Variants in OR51B5 observed in about 807,000 individuals in gnomAD.
The protein encoded by OR51B5 is olfactory receptor family 51 subfamily B member 5.
For synonymous variants in OR51B5, 186 were observed against 144.8 expected (o/e 1.28, Z -2.04); for missense variants, 456 against 374.6 (o/e 1.22, Z -1.79).
intron 1 of OR51B5, among the ~76,000 whole-genome samples, chr11:5,470,643 C>T (rs1851215114): frequency 6.6e-6 from 1 of 152,160 alleles, no homozygotes; most frequent in Admixed American, 6.6e-5. Flanking sequence ...ATGTTTTATC[C>T]TCTTCAAAGT....
chr11:5,351,826 G>C, intron 1 of OR51B5: 2 of 1,614,006 alleles, frequency 1.2e-6, no homozygotes, highest in Non-Finnish European at 1.7e-6. Flanking sequence ...TACTCTTTCT[G>C]TCATGGAGTC....
intron 1 of OR51B5, among the ~76,000 whole-genome samples, chr11:5,464,214 A>G (rs1165592789): frequency 6.6e-6 from 1 of 152,238 alleles, no homozygotes; most frequent in Non-Finnish European, 1.5e-5. Context: ...ATATTTGAAA[A>G]AGCAAATATA....
intron 1 of OR51B5, among the ~76,000 whole-genome samples, chr11:5,427,354 A>G (rs1396129025): frequency 6.8e-6 from 1 of 147,460 alleles, no homozygotes; most frequent in Non-Finnish European, 1.5e-5. Flanking sequence ...GAAATTGAAC[A>G]GTTAGGTAAG....
intron 1 of OR51B5, chr11:5,488,895 C>T (rs776427738): frequency 1.2e-6 from 2 of 1,613,932 alleles, no homozygotes; most frequent in African/African-American, 2.7e-5. Context: ...CACCTATGTA[C>T]CTCTTCCTCT....
intron 1 of OR51B5, chr11:5,390,334 C>T: frequency 6.2e-7 from 1 of 1,612,280 alleles, no homozygotes; most frequent in Non-Finnish European, 8.5e-7. Flanking sequence ...AGGAGATCCA[C>T]CGTGCCATTA....
chr11:5,358,954 T>G (rs1338739106), intron 1 of OR51B5, among the ~76,000 whole-genome samples: 1 of 151,606 alleles, frequency 6.6e-6, no homozygotes, highest in Non-Finnish European at 1.5e-5. Flanking sequence ...CCCTTCATGC[T>G]AAAAACTCTC....
chr11:5,492,684 G>T (rs117503420), intron 1 of OR51B5, among the ~76,000 whole-genome samples: 1 of 152,082 alleles, frequency 6.6e-6, no homozygotes, highest in Admixed American at 6.6e-5. Flanking sequence ...TTAATCAGGC[G>T]GGAGTACAGT....
intron 1 of OR51B5, chr11:5,505,257 G>T (rs1267434765): frequency 7.3e-6 from 9 of 1,230,698 alleles, no homozygotes; most frequent in Admixed American, 6.0e-5. Context: ...TAGGTTTTTT[G>T]TTTTTTTCCT....
At chr11:5,404,164 T>G (rs1437274385) in intron 1 of OR51B5, among the ~76,000 whole-genome samples, 2 of 2,232 alleles carry the variant, frequency 9.0e-4, no homozygotes, top group African/African-American at 1.9e-3. Flanking sequence ...GGGGAGGGGA[T>G]GGGGCGGGGA....
At chr11:5,438,363 C>CT (rs369977693) in intron 1 of OR51B5, among the ~76,000 whole-genome samples, 2 of 151,602 alleles carry the variant, frequency 1.3e-5, no homozygotes, top group Non-Finnish European at 1.5e-5. Flanking sequence ...ACACCCCCCC[C>CT]CAGTTATCCA....
chr11:5,449,972 A>AC (rs1216948661), intron 1 of OR51B5, among the ~76,000 whole-genome samples: 3 of 152,154 alleles, frequency 2.0e-5, no homozygotes, highest in Non-Finnish European at 4.4e-5. Context: ...TCCAGCCTCT[A>AC]CCTTCTTTCT....
chr11:5,422,383 G>T (rs184535881), intron 1 of OR51B5: 13 of 1,614,178 alleles, frequency 8.1e-6, no homozygotes, highest in Admixed American at 5.0e-5. Flanking sequence ...ACCAGCGCAT[G>T]TATCTGTTTC....
At chr11:5,461,664 C>G (rs1191919973) in intron 1 of OR51B5, among the ~76,000 whole-genome samples, 1 of 152,216 alleles carries the variant, frequency 6.6e-6, no homozygotes, top group Non-Finnish European at 1.5e-5. Context: ...CTGTCTCTGT[C>G]AACTCTCTGG....
chr11:5,466,980 G>T (rs974763353), intron 1 of OR51B5, among the ~76,000 whole-genome samples: 3 of 151,906 alleles, frequency 2.0e-5, no homozygotes, highest in Admixed American at 2.0e-4. Context: ...TATGCAAGTG[G>T]ATCTTTATTT....
intron 1 of OR51B5, among the ~76,000 whole-genome samples, chr11:5,438,953 G>A (rs1850631885): frequency 6.6e-6 from 1 of 152,308 alleles, no homozygotes; most frequent in South Asian, 2.1e-4. Context: ...ATAGACTGCA[G>A]AAAAGAAAAA....
chr11:5,361,792 C>T (rs1376627838), intron 1 of OR51B5, among the ~76,000 whole-genome samples: 1 of 152,050 alleles, frequency 6.6e-6, no homozygotes. Context: ...CACGGGAATA[C>T]AGAATGATAT....
At chr11:5,373,783 A>T (rs1263272846) in intron 1 of OR51B5, among the ~76,000 whole-genome samples, 1 of 152,180 alleles carries the variant, frequency 6.6e-6, no homozygotes. Context: ...GGGGAGGGGC[A>T]GCCGCCATTG....
chr11:5,421,842 A>G (rs1850343653), intron 1 of OR51B5, among the ~76,000 whole-genome samples: 1 of 152,218 alleles, frequency 6.6e-6, no homozygotes, highest in African/African-American at 2.4e-5. Context: ...AATAGAGTTC[A>G]TTTTTAGCCT....
At chr11:5,469,125 G>T in intron 1 of OR51B5, 1 of 228,300 alleles carries the variant, frequency 4.4e-6, no homozygotes, top group Non-Finnish European at 8.8e-6. Context: ...GTCTGGGCCA[G>T]GCAGGCATCA....
Sources: gnomAD v4.1 joint callset for allele counts (sites outside exome capture counted in the v4.1 genomes callset) on GRCh38, gnomAD v4.1.1 for gene constraint, MANE v1.5 for transcripts, NCBI Gene and HGNC (gene_info 2026-07-23, HGNC 2026-07-21) for gene names.